Variants in PSMF1 observed in about 807,000 individuals in gnomAD.
The protein encoded by PSMF1 is proteasome inhibitor subunit 1.
Under a neutral mutation model 29.3 loss-of-function variants are expected in PSMF1, and 30 were observed. That is an observed-to-expected ratio of 1.02 (90% CI 0.77 to 1.39). PSMF1 has a LOEUF of 1.39. PSMF1 is among the 40% of genes most tolerant of loss of function. PSMF1 has a pLI of 0.00. For synonymous variants in PSMF1, 134 were observed against 139.7 expected (o/e 0.96, Z 0.29); for missense variants, 344 against 357.5 (o/e 0.96, Z 0.31).
intron 4 of PSMF1, among the ~76,000 whole-genome samples, chr20:1,159,124 A>C (rs186883196): frequency 6.6e-6 from 1 of 152,098 alleles, no homozygotes; most frequent in East Asian, 1.9e-4. Context: ...AGAAGTCTTC[A>C]TGTGTTGCAG....
chr20:1,153,837 A>G (rs2086561653), intron 4 of PSMF1, among the ~76,000 whole-genome samples: 1 of 152,310 alleles, frequency 6.6e-6, no homozygotes, highest in African/African-American at 2.4e-5. Context: ...ACTCCTTTCA[A>G]TCAGTTGACC....
Position 1,165,539 on chromosome 20 carries a change from T to A in PSMF1, c.*459T>A. On this transcript the variant is annotated 3_prime_UTR_variant, in exon 7 of 7. Transcript: ENST00000335877. ...CATTTATGAGACTTTAGAGTTTGAGTTTCTGTAGGGCTGAATGACTCTTTT... is the reference window on the plus strand; with the variant it reads ...CATTTATGAGACTTTAGAGTTTGAGATTCTGTAGGGCTGAATGACTCTTTT... The A allele has an allele frequency of 1.0e-6, 1 of 999,928 alleles. No homozygotes were observed. Among genetic ancestry groups the A allele is most frequent in the Non-Finnish European group, 1.2e-6 (1 of 838,808 alleles). The allele number at this position is 999,928 out of a possible 1,614,324, so 61.9% of individuals were successfully genotyped here.
intron 4 of PSMF1, among the ~76,000 whole-genome samples, chr20:1,146,869 A>C (rs889407652): frequency 1.3e-5 from 2 of 152,228 alleles, no homozygotes; most frequent in African/African-American, 4.8e-5. Context: ...CATTCAGTAA[A>C]TATTCAGTGG....
At chr20:1,134,194 C>T (rs978745656) in intron 3 of PSMF1, among the ~76,000 whole-genome samples, 1 of 151,884 alleles carries the variant, frequency 6.6e-6, no homozygotes, top group Non-Finnish European at 1.5e-5. Context: ...GATTTGAATT[C>T]CTTCCTCTAT....
chr20:1,133,757 G>A (rs1160098039), intron 3 of PSMF1, among the ~76,000 whole-genome samples: 1 of 150,534 alleles, frequency 6.6e-6, no homozygotes, highest in African/African-American at 2.4e-5. Flanking sequence ...GAGATTTTTG[G>A]TTTTTGTTTT....
At chr20:1,133,921 A>G (rs2086269176) in intron 3 of PSMF1, among the ~76,000 whole-genome samples, 1 of 151,884 alleles carries the variant, frequency 6.6e-6, no homozygotes, top group Non-Finnish European at 1.5e-5. Context: ...GTATTCTCTT[A>G]TTATCCTTTC....
In PSMF1 at chr20:1,165,807, A is replaced by C. The variant is rs1345310303; in HGVS notation, c.*727A>C. 1.3e-5 allele frequency: 14 copies of C among 1,063,424 alleles called. No homozygotes were observed. The highest frequency in any genetic ancestry group is 4.5e-4 in the Middle Eastern group (1 of 2,220). The allele number at this position is 1,063,424 out of a possible 1,614,324, so 65.9% of individuals were successfully genotyped here. A position where few individuals can be genotyped will look rare whatever the true frequency, so the allele number is the denominator to read the frequency against. The stretch of plus-strand genomic sequence containing the variant: ...GCCAGTTTTGTAGGTCCATCTGTGC[A>C]TGGGCAGCAGTAGTCAAAAAGCCAA... On this transcript the variant is annotated 3_prime_UTR_variant, in exon 7 of 7. Transcript: ENST00000335877.
At chr20:1,147,998 A>G (rs1191205495) in intron 4 of PSMF1, among the ~76,000 whole-genome samples, 2 of 152,154 alleles carry the variant, frequency 1.3e-5, no homozygotes, top group East Asian at 3.9e-4. Context: ...GCTCCTTCCC[A>G]TAGGACACAG....
At chr20:1,138,518 CAAA>C (rs34220986) in intron 4 of PSMF1, among the ~76,000 whole-genome samples, 8 of 97,762 alleles carry the variant, frequency 8.2e-5, no homozygotes, top group East Asian at 2.8e-4. Flanking sequence ...GACTGCATCT[CAAA>C]AAAAAAAAAA....
At position 1,165,387 on chromosome 20, in the gene PSMF1, C is replaced by T. The variant is rs918876884; in HGVS notation, c.*307C>T. The T allele has an allele frequency of 4.1e-5, 53 of 1,293,842 alleles. No homozygotes were observed. The highest frequency in any genetic ancestry group is 3.3e-4 in the Admixed American group (9 of 27,168). The allele number at this position is 1,293,842 out of a possible 1,614,324, so 80.1% of individuals were successfully genotyped here. A position where few individuals can be genotyped will look rare whatever the true frequency, so the allele number is the denominator to read the frequency against. ...CCGGCAACCTTCAGCAACATATATC[C>T]TCGACCAGATGCAGTGCTATAAGAA... On this transcript the variant is annotated 3_prime_UTR_variant, in exon 7 of 7. Transcript: ENST00000335877.
chr20:1,128,199 T>C lies in PSMF1; in HGVS notation c.365+691T>C, dbSNP rs151002049. Among the ~76,000 whole-genome samples, 717 of 152,320 alleles carry C rather than the reference T, an allele frequency of 4.7e-3. 6 individuals are homozygous for C. The highest frequency in any genetic ancestry group is 5.8e-3 in the Non-Finnish European group (395 of 68,020). On this transcript the variant is annotated intron_variant, in intron 3 of 6. Transcript: ENST00000335877. The stretch of plus-strand genomic sequence containing the variant: ...GGCAACCACTGATCTTTTGACTGTC[T>C]CCATAGTTTTGCCTTTTCTAGAGTG...
At position 1,169,791 on chromosome 20, in the gene PSMF1, A is replaced by C. The variant is rs908247021; in HGVS notation, c.*4711A>C. On this transcript the variant is annotated 3_prime_UTR_variant, in exon 7 of 7. Transcript: ENST00000335877. Reference sequence around the variant, plus strand: ...AATGCGTCTGGTTGTTGGAACCTACATGGCCTCTCAAATGGTACTGGCATG... The same window carrying C: ...AATGCGTCTGGTTGTTGGAACCTACCTGGCCTCTCAAATGGTACTGGCATG... Among the ~76,000 whole-genome samples, 1 of 152,160 alleles carries C rather than the reference A, an allele frequency of 6.6e-6. No individual in the cohort carries two copies. The highest frequency in any genetic ancestry group is 2.4e-5 in the African/African-American group (1 of 41,430).
upstream of PSMF1, chr20:1,118,470 C>G (rs2086034421): frequency 7.3e-6 from 2 of 273,356 alleles, no homozygotes; most frequent in South Asian, 1.9e-4. Flanking sequence ...TGTCGACTGC[C>G]GCCAAGACCC....
rs182205930 is a variant in PSMF1 at position 1,165,962 on chromosome 20, C to T, written c.*882C>T. 3.6e-5 allele frequency: 50 copies of T among 1,381,866 alleles called. No homozygotes were observed. Among genetic ancestry groups the T allele is most frequent in the East Asian group, 1.6e-4 (6 of 37,328 alleles). 85.6% of individuals were successfully genotyped at this position (1,381,866 alleles called of 1,614,324 possible). ...TGAAATTGGAGGTGGCTTTCCTGCT[C>T]TAAAGCATTTTGATGTCTCATTCTG... On this transcript the variant is annotated 3_prime_UTR_variant, in exon 7 of 7. Transcript: ENST00000335877.
At chr20:1,121,351 A>G (rs1383032251) in intron 1 of PSMF1, among the ~76,000 whole-genome samples, 1 of 151,998 alleles carries the variant, frequency 6.6e-6, no homozygotes, top group Non-Finnish European at 1.5e-5. Context: ...CGAAGGAATG[A>G]GTGTTTGGAT....
rs2086778406 is a variant in PSMF1, at chr20:1,170,391, T to C, written c.*5311T>C. Among the ~76,000 whole-genome samples, 1 of 152,232 alleles carries C rather than the reference T, an allele frequency of 6.6e-6. No individual in the cohort carries two copies. Among genetic ancestry groups the C allele is most frequent in the South Asian group, 2.1e-4 (1 of 4,834 alleles). On this transcript the variant is annotated 3_prime_UTR_variant, in exon 7 of 7. Transcript: ENST00000335877. ...CATGCATGAACTCTGATTCGAAGTT[T>C]TCGTTGATTTTACCCCCAGTATCCA...
At chr20:1,122,268 G>A (rs560079287) in intron 1 of PSMF1, among the ~76,000 whole-genome samples, 1 of 148,572 alleles carries the variant, frequency 6.7e-6, no homozygotes, top group East Asian at 2.0e-4. Context: ...AGGCCTTAGA[G>A]TTTTCTTTTC....
intron 3 of PSMF1, among the ~76,000 whole-genome samples, chr20:1,129,344 A>G (rs2086200286): frequency 6.6e-6 from 1 of 152,176 alleles, no homozygotes; most frequent in Non-Finnish European, 1.5e-5. Context: ...TCAAACCTTA[A>G]CCGAACCTCA....
intron 3 of PSMF1, among the ~76,000 whole-genome samples, chr20:1,134,487 G>A (rs2086276643): frequency 6.6e-6 from 1 of 152,154 alleles, no homozygotes; most frequent in South Asian, 2.1e-4. Flanking sequence ...GGGCCAGGAT[G>A]TGGTTCATTT....
Sources: gnomAD v4.1 joint callset for allele counts (sites outside exome capture counted in the v4.1 genomes callset) on GRCh38, gnomAD v4.1.1 for gene constraint, MANE v1.5 for transcripts, NCBI Gene and HGNC (gene_info 2026-07-23, HGNC 2026-07-21) for gene names.